Variants in WDR59 observed in about 807,000 individuals in gnomAD.
WDR59 encodes WD repeat domain 59.
Under a neutral mutation model 131.2 loss-of-function variants are expected in WDR59, and 100 were observed. The ratio of observed to expected loss-of-function variants is 0.76; its 90% CI spans 0.65 to 0.90. The LOEUF is 0.90. Among genes scored for constraint, WDR59 ranks in the 40% least tolerant of loss-of-function variants. WDR59 has a pLI of 0.00. For synonymous variants in WDR59, 601 were observed against 466.2 expected, an observed-to-expected ratio of 1.29 and a Z score of -3.72; for missense variants, 1,203 against 1,262.2, an observed-to-expected ratio of 0.95 and a Z score of 0.71.
At chr16:74,984,685 GCACTC>G in intron 1 of WDR59, 1 of 478,154 alleles carries the variant, frequency 2.1e-6, no homozygotes, top group Non-Finnish European at 3.8e-6. Flanking sequence ...CCTCCCCTCA[GCACTC>G]ACGATGCGCA....
intron 2 of WDR59, among the ~76,000 whole-genome samples, chr16:74,958,715 AG>A (rs1310372120): frequency 6.6e-6 from 1 of 151,554 alleles, no homozygotes; most frequent in Non-Finnish European, 1.5e-5. Context: ...GACAAGGGCA[AG>A]GGGTAGGGCT....
At chr16:74,953,711 C>T (rs2033130501) in intron 3 of WDR59, among the ~76,000 whole-genome samples, 1 of 151,958 alleles carries the variant, frequency 6.6e-6, no homozygotes. Context: ...CGAAAAAGGG[C>T]AGAGGCAAGG....
At position 74,924,059 on chromosome 16, in the gene WDR59, T is replaced by C. The variant is rs933948529; in HGVS notation, c.652-56A>G. On this transcript the variant is annotated intron_variant, in intron 8 of 25. Transcript: ENST00000262144. Reference sequence around the variant, plus strand: ...AATAAATGCCATTAAAAAATTCTACTGAAATAAGCACAGCCTTTGAACTCA... The same window carrying C: ...AATAAATGCCATTAAAAAATTCTACCGAAATAAGCACAGCCTTTGAACTCA... 4 of 1,543,346 alleles carry C rather than the reference T, an allele frequency of 2.6e-6. No individual in the cohort carries two copies. In the African/African-American group the frequency reaches 4.1e-5, roughly 16 times the overall value.
At position 74,926,111 on chromosome 16, in the gene WDR59, G is replaced by A. The variant is rs530955998; in HGVS notation, c.652-2108C>T. On this transcript the variant is annotated intron_variant, in intron 8 of 25. Coordinates refer to ENST00000262144, the MANE Select transcript of WDR59 (RefSeq NM_030581.4). Reference sequence around the variant, plus strand: ...TTTTGCTCTTGTTGCCCAGGCTGGAGAACAATGGTGTGATCTCGGCTCACT... The same window carrying A: ...TTTTGCTCTTGTTGCCCAGGCTGGAAAACAATGGTGTGATCTCGGCTCACT... Among the ~76,000 whole-genome samples the A allele has an allele frequency of 1.9e-3, 286 of 147,796 alleles. 1 individual carries two copies. The highest frequency in any genetic ancestry group is 6.8e-3 in the African/African-American group (270 of 39,870).
At chr16:74,964,108 C>T (rs906898385) in intron 2 of WDR59, among the ~76,000 whole-genome samples, 8 of 152,032 alleles carry the variant, frequency 5.3e-5, no homozygotes, top group Non-Finnish European at 1.2e-4. Context: ...GTGCCAAGCA[C>T]GGTGGCTCAC....
At chr16:74,942,273 C>A (rs996730911) in intron 7 of WDR59, among the ~76,000 whole-genome samples, 1 of 152,074 alleles carries the variant, frequency 6.6e-6, no homozygotes, top group African/African-American at 2.4e-5. Flanking sequence ...CATGAGCACC[C>A]TACCTTGCTC....
At chr16:74,951,436 G>C (rs371074886) in intron 4 of WDR59, 22 bp downstream of exon 4, 1 of 1,579,480 alleles carries the variant, frequency 6.3e-7, no homozygotes, top group South Asian at 1.2e-5. Flanking sequence ...CAGCCAAAGA[G>C]CTGTGGAGGG....
intron 3 of WDR59, among the ~76,000 whole-genome samples, 156 bp from the exon 4 acceptor site, chr16:74,951,699 C>A (rs1044568416): frequency 2.0e-5 from 3 of 152,194 alleles, no homozygotes; most frequent in Admixed American, 6.5e-5. Context: ...GGAATAAGTA[C>A]AATTAACATT....
rs756709322 is a variant in WDR59 at position 74,915,965 on chromosome 16, G to C, written c.1129C>G (p.Leu377Val). Residue 377 changes from leucine to valine, a missense_variant, in exon 13 of 26, where the codon CTG becomes GTG. By Grantham distance (32) the Leu-to-Val change is conservative (BLOSUM62 1). Coordinates refer to ENST00000262144, the MANE Select transcript of WDR59 (RefSeq NM_030581.4). ...ALKEDPPRNL[L>V]EERKSDQLGL... ...AGTTGATCTGATTTCCTCTCTTCCA[G>C]GAGATTTCTAGGGGGATCTTCTTTT... 6.2e-7 allele frequency: 1 copy of C among 1,614,192 alleles called. No individual in the cohort carries two copies. Among genetic ancestry groups the C allele is most frequent in the Admixed American group, 1.7e-5 (1 of 60,026 alleles).
At chr16:74,971,631 C>T (rs138278184) in intron 1 of WDR59, among the ~76,000 whole-genome samples, 2,400 of 151,930 alleles carry the variant, frequency 0.016, 54 homozygotes, top group African/African-American at 0.055. Flanking sequence ...TGGGGTTTCA[C>T]CATGTCGGCC....
At chr16:74,912,043 A>C in intron 14 of WDR59, 155 bp downstream of exon 14, 1 of 992,886 alleles carries the variant, frequency 1.0e-6, no homozygotes. Flanking sequence ...TGCACAAAGT[A>C]AATGGCAAGT....
intron 1 of WDR59, among the ~76,000 whole-genome samples, chr16:74,967,812 C>T (rs377220111): frequency 2.0e-5 from 3 of 146,440 alleles, no homozygotes; most frequent in African/African-American, 7.6e-5. Context: ...TGAGCCGAGA[C>T]ATGCCACTGC....
At chr16:74,979,933 C>G (rs1394761883) in intron 1 of WDR59, among the ~76,000 whole-genome samples, 2 of 148,246 alleles carry the variant, frequency 1.3e-5, no homozygotes, top group Middle Eastern at 3.5e-3. Context: ...ACCACAACCT[C>G]CAACTCCTGG....
intron 1 of WDR59, among the ~76,000 whole-genome samples, chr16:74,982,632 A>C (rs1278399330): frequency 6.6e-6 from 1 of 152,218 alleles, no homozygotes; most frequent in Non-Finnish European, 1.5e-5. Flanking sequence ...ATTCTGTCCT[A>C]GTTGCCAGTA....
In WDR59 at chr16:74,911,400, C is replaced by T. The variant is rs532500921; in HGVS notation, c.1389+798G>A. ...ACAAGGTGGAACAATCAAGTGTCCA[C>T]GACCCAAACTGGACAAAAAATGAGC... On this transcript the variant is annotated intron_variant, in intron 14 of 25. Transcript: ENST00000262144. 1.7e-3 allele frequency among the ~76,000 whole-genome samples: 254 copies of T among 152,296 alleles called. 6 individuals are homozygous for T. In the South Asian group the frequency reaches 0.05, roughly 30 times the overall value.
chr16:74,938,632 G>A (rs992719784), intron 7 of WDR59, among the ~76,000 whole-genome samples: 5 of 152,062 alleles, frequency 3.3e-5, no homozygotes, highest in Admixed American at 2.0e-4. Context: ...AACTTCCTGG[G>A]CTCAAGCAGT....
chr16:74,881,470 G>C (rs183030542), intron 25 of WDR59, among the ~76,000 whole-genome samples: 1 of 152,108 alleles, frequency 6.6e-6, no homozygotes, highest in Non-Finnish European at 1.5e-5. Flanking sequence ...GGGATTACAG[G>C]TGTGTGCAGC....
At chr16:74,971,016 T>C (rs2033961441) in intron 1 of WDR59, among the ~76,000 whole-genome samples, 1 of 151,380 alleles carries the variant, frequency 6.6e-6, no homozygotes, top group Non-Finnish European at 1.5e-5. Flanking sequence ...ACCACTACAC[T>C]CCTGGCTAAA....
At chr16:74,916,752 G>A (rs771363803) in intron 11 of WDR59, among the ~76,000 whole-genome samples, 5 of 151,794 alleles carry the variant, frequency 3.3e-5, no homozygotes, top group East Asian at 1.9e-4. Flanking sequence ...CCAGCTACTC[G>A]GGAGGCTGAG....
Sources: allele counts gnomAD v4.1 joint callset (sites outside exome capture counted in the v4.1 genomes callset), GRCh38; gene constraint gnomAD v4.1.1; transcripts MANE v1.5; gene names NCBI Gene and HGNC (gene_info 2026-07-23, HGNC 2026-07-21).